Variants in ZNF385D observed in about 807,000 individuals in gnomAD.
ZNF385D encodes the protein zinc finger protein 385D, also known as zinc finger protein 659.
ZNF385D carries 15 observed loss-of-function variants against 35.8 expected under a neutral mutation model. That is an observed-to-expected ratio of 0.42 (90% CI 0.28 to 0.64). The LOEUF is 0.64. Among genes scored for constraint, ZNF385D ranks in the 30% least tolerant of loss-of-function variants. The pLI is 0.23. For synonymous variants in ZNF385D, 212 were observed against 186.8 expected, an observed-to-expected ratio of 1.13 and a Z score of -1.10; for missense variants, 474 against 494.6, an observed-to-expected ratio of 0.96 and a Z score of 0.39.
chr3:22,078,917 G>C (rs183940451), intron 3 of ZNF385D, among the ~76,000 whole-genome samples: 55 of 151,966 alleles, frequency 3.6e-4, no homozygotes, highest in Non-Finnish European at 5.9e-4. Flanking sequence ...AGTATGCTTT[G>C]TCAAAAAATG....
chr3:21,830,189 C>A (rs530212521), intron 3 of ZNF385D, among the ~76,000 whole-genome samples: 13 of 152,260 alleles, frequency 8.5e-5, no homozygotes, highest in African/African-American at 2.9e-4. Flanking sequence ...TCTAATTACT[C>A]TAGTAAAAAT....
chr3:22,023,175 G>A (rs1207661183), intron 3 of ZNF385D, among the ~76,000 whole-genome samples: 2 of 152,114 alleles, frequency 1.3e-5, no homozygotes, highest in African/African-American at 4.8e-5. Context: ...TTGAAGTAAT[G>A]ATGGTAGAAG....
chr3:21,554,685 T>A (rs887584896), intron 3 of ZNF385D, among the ~76,000 whole-genome samples: 13 of 152,184 alleles, frequency 8.5e-5, no homozygotes, highest in Non-Finnish European at 1.8e-4. Context: ...TTGGGTAGTG[T>A]AGCCATCTTT....
At chr3:21,568,186 CAA>C (rs2063213863) in intron 2 of ZNF385D, among the ~76,000 whole-genome samples, 1 of 29,528 alleles carries the variant, frequency 3.4e-5, no homozygotes, top group Admixed American at 2.3e-4. Flanking sequence ...TTATTAATAA[CAA>C]TAAATCATTC....
In ZNF385D at chr3:22,350,279, A is replaced by G. The variant is rs376849430; in HGVS notation, c.106+22171T>C. Among the ~76,000 whole-genome samples the G allele has an allele frequency of 1.3e-4, 20 of 152,278 alleles. 1 individual carries two copies. The South Asian group carries it at 3.9e-3, about 30-fold the overall frequency. On this transcript the variant is annotated intron_variant, in intron 2 of 5. Transcript: ENST00000494108. ...TTTATGTCTTTTCACTTCAGATTCA[A>G]TAATATTTTTTAAAAGGAAAAGATG...
chr3:22,251,730 C>A (rs1487273867), intron 2 of ZNF385D, among the ~76,000 whole-genome samples: 7 of 151,874 alleles, frequency 4.6e-5, no homozygotes, highest in Non-Finnish European at 1.5e-5. Context: ...TGTGGAGTAC[C>A]ATTGCCTTAG....
chr3:22,076,643 GT>G (rs1484463681), intron 3 of ZNF385D, among the ~76,000 whole-genome samples: 3 of 151,908 alleles, frequency 2.0e-5, no homozygotes, highest in African/African-American at 7.2e-5. Context: ...GTGGTTCATA[GT>G]TTTATCCCTA....
chr3:21,990,537 A>G (rs1394009406), intron 3 of ZNF385D, among the ~76,000 whole-genome samples: 1 of 152,216 alleles, frequency 6.6e-6, no homozygotes, highest in Non-Finnish European at 1.5e-5. Context: ...ATGTATTTCT[A>G]TTATATAAAT....
chr3:21,422,314 A>G (rs536593326), intron 7 of ZNF385D, among the ~76,000 whole-genome samples: 2 of 152,328 alleles, frequency 1.3e-5, no homozygotes, highest in South Asian at 4.1e-4. Flanking sequence ...TCACCTCCCA[A>G]TGCAGCTAAA....
intron 7 of ZNF385D, among the ~76,000 whole-genome samples, chr3:21,423,371 T>A (rs1013955599): frequency 6.6e-6 from 1 of 152,244 alleles, no homozygotes. Flanking sequence ...TCTTAACTTT[T>A]CATTGAGCTC....
chr3:21,960,203 T>TACACACAC (rs61528907), intron 3 of ZNF385D, among the ~76,000 whole-genome samples: 1 of 149,370 alleles, frequency 6.7e-6, no homozygotes, highest in Non-Finnish European at 1.5e-5. Flanking sequence ...TAAACAGCAA[T>TACACACAC]ACACACACAC....
At position 22,162,473 on chromosome 3, in the gene ZNF385D, G is replaced by T. The variant is rs562696204; in HGVS notation, c.325+6344C>A. The stretch of plus-strand genomic sequence containing the variant: ...AAAGAGACTAAAATCTAACCATTTT[G>T]AAGTTCTAACAGAGACATTTTAACA... On this transcript the variant is annotated intron_variant, in intron 3 of 5. Transcript: ENST00000494108. Among the ~76,000 whole-genome samples, 6 of 152,240 alleles carry T rather than the reference G, an allele frequency of 3.9e-5. No homozygotes were observed. The South Asian group carries it at 1.2e-3, about 32-fold the overall frequency.
chr3:21,621,323 C>T (rs909548605), intron 2 of ZNF385D, among the ~76,000 whole-genome samples: 2 of 152,008 alleles, frequency 1.3e-5, no homozygotes, highest in Admixed American at 6.6e-5. Flanking sequence ...AATGGGCTGT[C>T]GCTGGCAATC....
chr3:21,739,513 A>T (rs1385220318), intron 1 of ZNF385D, among the ~76,000 whole-genome samples: 2 of 152,228 alleles, frequency 1.3e-5, no homozygotes, highest in Admixed American at 6.5e-5. Flanking sequence ...CAAGGTCGAC[A>T]GGAACATGAG....
chr3:22,135,778 A>G (rs1270870975), intron 3 of ZNF385D, among the ~76,000 whole-genome samples: 1 of 152,234 alleles, frequency 6.6e-6, no homozygotes, highest in East Asian at 1.9e-4. Flanking sequence ...GTAAAAAAGT[A>G]TAGACACAGA....
intron 3 of ZNF385D, among the ~76,000 whole-genome samples, chr3:21,526,791 T>C (rs985808036): frequency 5.3e-5 from 8 of 152,204 alleles, no homozygotes; most frequent in Non-Finnish European, 8.8e-5. Flanking sequence ...ATAAAGGATC[T>C]GAATGCTTGG....
At chr3:21,460,161 T>A (rs1248756567) in intron 4 of ZNF385D, among the ~76,000 whole-genome samples, 1 of 151,290 alleles carries the variant, frequency 6.6e-6, no homozygotes, top group Non-Finnish European at 1.5e-5. Context: ...GCTTAGATGC[T>A]CTTCCAGTAA....
chr3:21,995,207 G>T (rs190265132), intron 3 of ZNF385D, among the ~76,000 whole-genome samples: 1 of 152,334 alleles, frequency 6.6e-6, no homozygotes, highest in Non-Finnish European at 1.5e-5. Flanking sequence ...CAGGCCTCCA[G>T]GTAGCATATG....
rs1323089440 is a variant in ZNF385D, at chr3:21,465,827, GC to G, written c.440-28625del. Among the ~76,000 whole-genome samples the G allele has an allele frequency of 6.6e-6, 1 of 152,150 alleles. No individual in the cohort carries two copies. The stretch of plus-strand genomic sequence containing the variant: ...GTTAGGATTTGGCAAATAGTCAGAT[GC>G]CCTTCCTGCAGGCTGACCCACTCTC... On this transcript the variant is annotated intron_variant, in intron 4 of 7. Coordinates refer to ENST00000281523, the MANE Select transcript of ZNF385D (RefSeq NM_024697.3). The surrounding 1 kb of genome is among the most constrained non-coding windows in gnomAD (Gnocchi z 4.2).
Sources: allele counts gnomAD v4.1 joint callset (sites outside exome capture counted in the v4.1 genomes callset), GRCh38; gene constraint gnomAD v4.1.1; non-coding constraint Gnocchi (gnomAD v3.1); transcripts MANE v1.5; gene names NCBI Gene and HGNC (gene_info 2026-07-23, HGNC 2026-07-21).